The following FGF14 variants were observed in gnomAD, a reference collection of about 807,000 sequenced individuals.
FGF14 encodes the protein fibroblast growth factor homologous factor 4.
In FGF14, 5 loss-of-function variants were observed where a neutral mutation model predicts 25.5. The observed-to-expected ratio is 0.20, with a 90% CI of 0.10 to 0.41. The LOEUF is 0.41. FGF14 is among the 10% of genes least tolerant of loss of function. The pLI is 1.00. For missense variants in FGF14, 222 were observed against 320.1 expected, an observed-to-expected ratio of 0.69 and a Z score of 2.34; for synonymous variants, 138 against 118.3, an observed-to-expected ratio of 1.17 and a Z score of -1.08.
At chr13:102,347,774 A>C (rs1241533348) in intron 1 of FGF14, among the ~76,000 whole-genome samples, 2 of 152,132 alleles carry the variant, frequency 1.3e-5, no homozygotes, top group African/African-American at 4.8e-5. Context: ...GCTAGAGAGG[A>C]AACAGTCTAC....
chr13:101,891,983 C>T (rs1204564499), intron 1 of FGF14, among the ~76,000 whole-genome samples: 2 of 151,986 alleles, frequency 1.3e-5, no homozygotes, highest in African/African-American at 4.8e-5. Flanking sequence ...TGAGAGTGTG[C>T]ATGTTAGAGG....
chr13:102,234,099 A>C (rs2051210678), intron 1 of FGF14, among the ~76,000 whole-genome samples: 9 of 152,202 alleles, frequency 5.9e-5, no homozygotes, highest in African/African-American at 7.2e-5. Context: ...GCAAGATGGA[A>C]AGAGCTCTAG....
chr13:101,731,008 T>C (rs2035773230), intron 3 of FGF14, among the ~76,000 whole-genome samples: 1 of 152,220 alleles, frequency 6.6e-6, no homozygotes, highest in African/African-American at 2.4e-5. Flanking sequence ...GATAATCTCC[T>C]TTTAACATTG....
At chr13:101,748,429 T>C (rs1257877740) in intron 3 of FGF14, among the ~76,000 whole-genome samples, 2 of 151,686 alleles carry the variant, frequency 1.3e-5, no homozygotes, top group African/African-American at 4.8e-5. Flanking sequence ...GGGAGTTAAA[T>C]AATCTGTACA....
chr13:102,186,776 C>T (rs1329156932), intron 1 of FGF14, among the ~76,000 whole-genome samples: 5 of 152,276 alleles, frequency 3.3e-5, no homozygotes, highest in South Asian at 2.1e-4. Context: ...CACATGCACA[C>T]GTACATCTGA....
At chr13:102,220,171 C>G (rs1191217896) in intron 1 of FGF14, among the ~76,000 whole-genome samples, 1 of 152,056 alleles carries the variant, frequency 6.6e-6, no homozygotes, top group Non-Finnish European at 1.5e-5. Flanking sequence ...CTTTTCTGCT[C>G]ATACGTCCCA....
intron 1 of FGF14, among the ~76,000 whole-genome samples, chr13:102,200,862 G>T (rs1212116702): frequency 2.6e-5 from 4 of 151,946 alleles, no homozygotes; most frequent in Non-Finnish European, 2.9e-5. Context: ...CAGCACATTG[G>T]GAGGACAAGG....
chr13:102,006,903 C>A (rs993978667), intron 1 of FGF14, among the ~76,000 whole-genome samples: 11 of 150,576 alleles, frequency 7.3e-5, no homozygotes, highest in South Asian at 4.2e-4. Context: ...CGCCACCGCG[C>A]CTGGCTAATT....
intron 3 of FGF14, among the ~76,000 whole-genome samples, chr13:101,837,814 T>C (rs2043000781): frequency 6.6e-6 from 1 of 152,084 alleles, no homozygotes; most frequent in Admixed American, 6.6e-5. Flanking sequence ...GTAGTGCTCC[T>C]GGGTGTGTCT....
chr13:101,848,960 G>GA (rs796123576), intron 3 of FGF14, among the ~76,000 whole-genome samples: 18 of 152,050 alleles, frequency 1.2e-4, no homozygotes, highest in East Asian at 1.9e-4. Flanking sequence ...TGGTATAAAT[G>GA]AAAAAAAGTG....
intron 1 of FGF14, among the ~76,000 whole-genome samples, chr13:102,195,556 G>C (rs1317171989): frequency 6.6e-6 from 1 of 150,740 alleles, no homozygotes; most frequent in South Asian, 2.1e-4. Flanking sequence ...TAGCATAAAA[G>C]AAGAAAATAA....
At position 101,767,060 on chromosome 13, in the gene FGF14, A is replaced by G. The variant is rs965204927; in HGVS notation, c.409-40250T>C. On this transcript the variant is annotated intron_variant, in intron 3 of 4. Coordinates refer to ENST00000376143, the MANE Select transcript of FGF14 (RefSeq NM_004115.4). Reference sequence around the variant, plus strand: ...TATTCTCTCAATTTATATTGACAAGAGATAAAATAAGAATAACAATAAAAT... The same window carrying G: ...TATTCTCTCAATTTATATTGACAAGGGATAAAATAAGAATAACAATAAAAT... Among the ~76,000 whole-genome samples the G allele has an allele frequency of 2.4e-4, 36 of 152,338 alleles. 1 individual carries two copies. The highest frequency in any genetic ancestry group is 1.9e-3 in the Admixed American group (29 of 15,300).
chr13:101,854,771 T>C lies in FGF14; in HGVS notation c.408+13954A>G, dbSNP rs542564825. On this transcript the variant is annotated intron_variant, in intron 3 of 4. Transcript: ENST00000376143. ...ATGATACCTGTCCACCTATCAATCC[T>C]ACTCTGTAACCTAAGAAATGAATTC... 5.9e-5 allele frequency among the ~76,000 whole-genome samples: 9 copies of C among 152,178 alleles called. 1 individual carries two copies. In the South Asian group the frequency reaches 1.9e-3, roughly 32 times the overall value.
intron 1 of FGF14, among the ~76,000 whole-genome samples, chr13:102,300,440 A>G (rs2054972139): frequency 6.6e-6 from 1 of 152,142 alleles, no homozygotes; most frequent in South Asian, 2.1e-4. Flanking sequence ...AACAGCTGAA[A>G]AGTGTCTTTC....
chr13:101,788,897 TATATATATATATAGAGAG>T (rs1486963381), intron 3 of FGF14, among the ~76,000 whole-genome samples: 910 of 49,544 alleles, frequency 0.018, 12 homozygotes, highest in African/African-American at 0.039. Context: ...TATATATATA[TATATATATATATAGAGAG>T]AGAGAGAGAG....
intron 1 of FGF14, among the ~76,000 whole-genome samples, chr13:102,029,664 C>T (rs1052067270): frequency 3.9e-5 from 6 of 152,044 alleles, no homozygotes; most frequent in African/African-American, 1.4e-4. Flanking sequence ...TTTTATAAGA[C>T]AATAAATTGA....
At chr13:101,991,043 C>G (rs1413696094) in intron 1 of FGF14, among the ~76,000 whole-genome samples, 1 of 152,058 alleles carries the variant, frequency 6.6e-6, no homozygotes, top group Admixed American at 6.6e-5. Context: ...CAATGGAGCA[C>G]AATACTTCTT....
chr13:102,042,047 GA>G (rs2041770199), intron 1 of FGF14, among the ~76,000 whole-genome samples: 1 of 152,136 alleles, frequency 6.6e-6, no homozygotes, highest in Non-Finnish European at 1.5e-5. Flanking sequence ...CATACTCAAA[GA>G]AGAGCAAACT....
chr13:102,266,339 G>A (rs1452482767), intron 1 of FGF14, among the ~76,000 whole-genome samples: 2 of 152,232 alleles, frequency 1.3e-5, no homozygotes, highest in South Asian at 2.1e-4. Flanking sequence ...GAAGAGAGAG[G>A]AACCTCCCTC....
Sources: gnomAD v4.1 joint callset for allele counts (sites outside exome capture counted in the v4.1 genomes callset) on GRCh38, gnomAD v4.1.1 for gene constraint, MANE v1.5 for transcripts, NCBI Gene and HGNC (gene_info 2026-07-23, HGNC 2026-07-21) for gene names.